The following FAM53A variants were observed in gnomAD, a reference collection of about 807,000 sequenced individuals.
The protein encoded by FAM53A is family with sequence similarity 53 member A.
In FAM53A, 28 loss-of-function variants were observed where a neutral mutation model predicts 26.6. That is an observed-to-expected ratio of 1.05 (90% confidence interval 0.78 to 1.45). FAM53A has a LOEUF of 1.45. Among genes scored for constraint, FAM53A ranks in the 40% most tolerant of loss-of-function variants. The pLI is 0.00. For synonymous variants in FAM53A, 290 were observed against 253.1 expected, an observed-to-expected ratio of 1.15 and a Z score of -1.38; for missense variants, 650 against 575.8, an observed-to-expected ratio of 1.13 and a Z score of -1.32.
chr4:1,654,578 G>C (rs181276568), intron 4 of FAM53A, among the ~76,000 whole-genome samples: 64 of 152,362 alleles, frequency 4.2e-4, no homozygotes, highest in Non-Finnish European at 4.0e-4. Context: ...GCCTCGAATG[G>C]GGCTCCCAGG....
intron 4 of FAM53A, chr4:1,644,493 T>C: frequency 9.8e-7 from 1 of 1,024,842 alleles, no homozygotes; most frequent in Non-Finnish European, 1.4e-6. Flanking sequence ...CCACCCACGC[T>C]GTAGAGACGG....
chr4:1,621,951 A>T (rs73795183), intron 1 of FAM53A, among the ~76,000 whole-genome samples: 1 of 152,082 alleles, frequency 6.6e-6, no homozygotes, highest in Non-Finnish European at 1.5e-5. Flanking sequence ...GTCGGACGGC[A>T]CCGCATTCAT....
chr4:1,649,714 C>A (rs1712576617), intron 4 of FAM53A, among the ~76,000 whole-genome samples: 1 of 152,264 alleles, frequency 6.6e-6, no homozygotes, highest in East Asian at 1.9e-4. Flanking sequence ...GGTCCTGCAG[C>A]CCCAGTCAAG....
At chr4:1,588,129 G>A in the FAM53A span, among the ~76,000 whole-genome samples, 1 of 152,304 alleles carries the variant, frequency 6.6e-6, no homozygotes, top group African/African-American at 2.4e-5. Flanking sequence ...TTTCATGCCC[G>A]CCTTTTCAGC....
intron 1 of FAM53A, among the ~76,000 whole-genome samples, chr4:1,622,676 G>A (rs1715096501): frequency 6.6e-6 from 1 of 152,362 alleles, no homozygotes; most frequent in African/African-American, 2.4e-5. Context: ...GGGCTGGCTC[G>A]CTCGGGGAGG....
intron 1 of FAM53A, among the ~76,000 whole-genome samples, chr4:1,619,770 G>A (rs532994661): frequency 4.3e-4 from 65 of 152,288 alleles, no homozygotes; most frequent in African/African-American, 1.3e-3. Context: ...GGGGGTTCAC[G>A]GCGTCCACAC....
downstream of FAM53A, among the ~76,000 whole-genome samples, chr4:1,614,370 GT>G (rs1239888307): frequency 7.1e-6 from 1 of 141,702 alleles, no homozygotes; most frequent in Non-Finnish European, 1.5e-5. Flanking sequence ...ATGCAGAGAC[GT>G]GAGGGGGATG....
intron 1 of FAM53A, among the ~76,000 whole-genome samples, chr4:1,624,970 CA>C (rs1715217467): frequency 6.8e-6 from 1 of 147,284 alleles, no homozygotes; most frequent in African/African-American, 2.6e-5. Context: ...CGTCCCGGCC[CA>C]CGTGGTCAGG....
intron 1 of FAM53A, among the ~76,000 whole-genome samples, chr4:1,622,617 A>C (rs1193091737): frequency 6.6e-6 from 1 of 152,232 alleles, no homozygotes; most frequent in Non-Finnish European, 1.5e-5. Context: ...CCAGCCCTGC[A>C]TGCCCATTTG....
At chr4:1,643,772 G>A (rs920839910) in intron 4 of FAM53A, among the ~76,000 whole-genome samples, 1 of 151,850 alleles carries the variant, frequency 6.6e-6, no homozygotes, top group African/African-American at 2.4e-5. Flanking sequence ...TCGCTTTGTT[G>A]ACCAGGCTGG....
At chr4:1,599,735 G>A in the FAM53A span, among the ~76,000 whole-genome samples, 883 of 150,144 alleles carry the variant, frequency 5.9e-3, 11 homozygotes, top group African/African-American at 0.021. This position sits in a 1 kb window ranked among gnomAD's most constrained non-coding sequence, Gnocchi z 6.1. Context: ...TCAAACACAC[G>A]TGCACAGACA....
intron 1 of FAM53A, among the ~76,000 whole-genome samples, chr4:1,628,764 GCATGGGGGAGTGGCATGGGGGGAGGGTGC>G (rs1388817356): frequency 2.3e-4 from 7 of 31,006 alleles, no homozygotes; most frequent in African/African-American, 1.0e-3. Context: ...GGGGAGGGTG[GCATGGGGGAGTGGCATGGGGGGAGGGTGC>G]CATGGGGGGA....
Position 1,676,871 on chromosome 4 carries a change from G to C in FAM53A, c.-165+7362C>G, listed in dbSNP as rs77547629. The stretch of plus-strand genomic sequence containing the variant: ...TGTTTCCAGTTAGGCCACACAGTGG[G>C]GTCTGTTCTCCAAAGTTCATAATTC... On this transcript the variant is annotated intron_variant, in intron 1 of 4. Transcript: ENST00000308132. 3.2e-3 allele frequency among the ~76,000 whole-genome samples: 481 copies of C among 152,206 alleles called. 2 individuals carry two copies. The highest frequency in any genetic ancestry group is 0.011 in the African/African-American group (461 of 41,506).
chr4:1,587,975 A>G, the FAM53A span, among the ~76,000 whole-genome samples: 338 of 152,180 alleles, frequency 2.2e-3, 8 homozygotes, highest in East Asian at 0.046. Flanking sequence ...TTGTATCTTC[A>G]TTTTTCAATG....
In FAM53A at chr4:1,641,161, G is replaced by A. The variant is rs377105883; in HGVS notation, c.*132C>T. 2.0e-4 allele frequency: 126 copies of A among 622,734 alleles called. 7 individuals carry two copies. The highest frequency in any genetic ancestry group is 1.7e-3 in the African/African-American group (56 of 33,076). The allele number at this position is 622,734 out of a possible 1,614,324, so 38.6% of individuals were successfully genotyped here. On this transcript the variant is annotated 3_prime_UTR_variant, in exon 5 of 5. Coordinates refer to ENST00000308132, the MANE Select transcript of FAM53A (RefSeq NM_001174070.3). ...CCGGCGGCAGCCGTGGCCCCGACCA[G>A]CTCACAGGAAACCTACTCTGTGCCC...
the FAM53A span, among the ~76,000 whole-genome samples, chr4:1,605,801 G>A: frequency 6.6e-6 from 1 of 152,266 alleles, no homozygotes; most frequent in African/African-American, 2.4e-5. This position sits in a 1 kb window ranked among gnomAD's most constrained non-coding sequence, Gnocchi z 5.7. Flanking sequence ...GCTGACTGGC[G>A]CACCCCTTCT....
chr4:1,637,791 AC>A (rs1301696653), downstream of FAM53A, among the ~76,000 whole-genome samples: 3 of 151,906 alleles, frequency 2.0e-5, no homozygotes. Flanking sequence ...ACCAGGCACA[AC>A]CCCGGCCCTC....
At chr4:1,667,261 T>C (rs1006755386) in intron 2 of FAM53A, among the ~76,000 whole-genome samples, 4 of 151,850 alleles carry the variant, frequency 2.6e-5, no homozygotes, top group African/African-American at 9.7e-5. Context: ...ATGGTGCCAC[T>C]ACACTCCAGC....
intron 3 of FAM53A, 149 bp from the exon 4 acceptor site, chr4:1,655,872 C>G: frequency 1.0e-6 from 1 of 975,714 alleles, no homozygotes; most frequent in Non-Finnish European, 1.4e-6. Flanking sequence ...ATGTCCGTGG[C>G]GCACAGTGGA....
Sources: allele counts gnomAD v4.1 joint callset (sites outside exome capture counted in the v4.1 genomes callset), GRCh38; gene constraint gnomAD v4.1.1; non-coding constraint Gnocchi (gnomAD v3.1); transcripts MANE v1.5; gene names NCBI Gene and HGNC (gene_info 2026-07-23, HGNC 2026-07-21).